Variants in CHST9 observed in about 807,000 individuals in gnomAD.
CHST9 encodes the protein GalNAc-4-sulfotransferase 2.
A neutral mutation model predicts 44.4 loss-of-function variants in CHST9; 41 were observed. The ratio of observed to expected loss-of-function variants is 0.92; its 90% CI spans 0.72 to 1.20. The LOEUF is 1.20. Among genes scored for constraint, CHST9 ranks in the 50% most tolerant of loss-of-function variants. The pLI, the probability that CHST9 is intolerant of heterozygous loss-of-function variation, is 0.00. For missense variants in CHST9, 504 were observed against 516.5 expected (o/e 0.98, Z 0.23); for synonymous variants, 171 against 178.4 (o/e 0.96, Z 0.33).
intron 1 of CHST9, among the ~76,000 whole-genome samples, chr18:27,144,177 G>C (rs1218161999): frequency 2.0e-5 from 3 of 152,086 alleles, no homozygotes; most frequent in Admixed American, 1.3e-4. Flanking sequence ...CCGAATAAAT[G>C]TTTCTTAAAT....
intron 2 of CHST9, among the ~76,000 whole-genome samples, chr18:27,053,250 A>AAGAAGAAGAAGAAGAAGAAGAAGG (rs2057602047): frequency 1.1e-5 from 1 of 87,224 alleles, no homozygotes; most frequent in African/African-American, 4.0e-5. Flanking sequence ...GAAGAAGAAG[A>AAGAAGAAGAAGAAGAAGAAGAAGG]AGAAGAAGAA....
chr18:26,946,472 C>T (rs74675969), intron 4 of CHST9, among the ~76,000 whole-genome samples: 2 of 152,220 alleles, frequency 1.3e-5, no homozygotes, highest in Non-Finnish European at 2.9e-5. Flanking sequence ...AGGCAGGAAA[C>T]CCTGCAAAGA....
Position 26,916,262 on chromosome 18 carries a change from C to A in CHST9, c.1329G>T (p.Leu443Phe). The change falls in exon 6 of 6, where the codon TTG (leucine) becomes TTT (phenylalanine). Residue 443 changes from leucine (L) to phenylalanine (F), a missense_variant. Transcript: ENST00000618847. ...GGTTTTAGAAAATGAATGCAAACTA[C>A]AAAAATGGAGTTGTATAATTAAACA... is the stretch of plus-strand genomic sequence containing the variant. ...YLMFNYTTPF[L>F] 6.5e-7 allele frequency: 1 copy of A among 1,544,670 alleles called. No homozygotes were observed. The highest frequency in any genetic ancestry group is 8.9e-7 in the Non-Finnish European group (1 of 1,127,492).
intron 1 of CHST9, among the ~76,000 whole-genome samples, chr18:27,160,406 T>C (rs1321533787): frequency 6.6e-6 from 1 of 152,206 alleles, no homozygotes; most frequent in Non-Finnish European, 1.5e-5. Flanking sequence ...ATATGCTGGA[T>C]TACATTTATT....
At position 27,102,864 on chromosome 18, in the gene CHST9, T is replaced by G. The variant is rs1168302519; in HGVS notation, c.121+39825A>C. ...GCCAAAGCTGGGATTCAACACTTTT[T>G]TTTTTCTGTATTGAATTTTAAAGTA... On this transcript the variant is annotated intron_variant, in intron 2 of 5. Transcript: ENST00000618847. Among the ~76,000 whole-genome samples the G allele has an allele frequency of 2.0e-5, 3 of 152,228 alleles. No homozygotes were observed. In the East Asian group the frequency reaches 5.8e-4, roughly 29 times the overall value.
chr18:26,953,569 G>A (rs1363409327), intron 4 of CHST9, among the ~76,000 whole-genome samples: 1 of 152,056 alleles, frequency 6.6e-6, no homozygotes, highest in Non-Finnish European at 1.5e-5. Context: ...GTAGAAATGA[G>A]AAGGAAAATG....
intron 3 of CHST9, among the ~76,000 whole-genome samples, chr18:27,042,064 G>A (rs767249877): frequency 2.0e-5 from 3 of 152,138 alleles, no homozygotes; most frequent in Non-Finnish European, 4.4e-5. Context: ...GATTGCCTGG[G>A]AGGCCGAGGC....
rs232358 is a variant in CHST9 at position 26,912,135 on chromosome 18, T to C, written c.*4124A>G. The C allele has an allele frequency of 0.84, 127,847 of 151,990 alleles. 53,894 individuals are homozygous for C. Among genetic ancestry groups the C allele is most frequent in the African/African-American group, 0.89 (36,706 of 41,454 alleles). The allele number at this position is 151,990 out of a possible 1,614,324, so 9.4% of individuals were successfully genotyped here. On this transcript the variant is annotated 3_prime_UTR_variant, in exon 6 of 6. Transcript: ENST00000618847. ...CTCTTAGATTCTGCTTATCCTTGAC[T>C]GGTCTTGTAGCTGTCTGGAATTTCT...
At chr18:26,958,941 C>A (rs1422053013) in intron 4 of CHST9, among the ~76,000 whole-genome samples, 2 of 152,148 alleles carry the variant, frequency 1.3e-5, no homozygotes, top group Admixed American at 1.3e-4. Context: ...ATGGAAGTTC[C>A]ATTCAACCCA....
At chr18:27,100,002 AAATGATATATATAT>A (rs2058155169) in intron 2 of CHST9, among the ~76,000 whole-genome samples, 1 of 141,398 alleles carries the variant, frequency 7.1e-6, no homozygotes, top group Non-Finnish European at 1.5e-5. Context: ...TGGATAAATA[AAATGATATATATAT>A]AATGATATAT....
intron 2 of CHST9, among the ~76,000 whole-genome samples, chr18:27,090,005 G>A (rs1316878584): frequency 6.6e-6 from 1 of 151,968 alleles, no homozygotes; most frequent in Non-Finnish European, 1.5e-5. Context: ...TAGAGATGGG[G>A]TTGCATTGTG....
At chr18:27,046,391 C>T (rs957173796) in intron 3 of CHST9, among the ~76,000 whole-genome samples, 1 of 151,936 alleles carries the variant, frequency 6.6e-6, no homozygotes, top group South Asian at 2.1e-4. Flanking sequence ...AATTATTATA[C>T]ATTTAGTGCA....
intron 4 of CHST9, among the ~76,000 whole-genome samples, chr18:26,988,161 G>T (rs967580807): frequency 5.9e-5 from 9 of 152,042 alleles, no homozygotes; most frequent in African/African-American, 2.2e-4. Context: ...AAGAAGACAA[G>T]AGACAAATAG....
chr18:27,136,420 G>A (rs1174677943), intron 2 of CHST9, among the ~76,000 whole-genome samples: 1 of 148,796 alleles, frequency 6.7e-6, no homozygotes, highest in Non-Finnish European at 1.5e-5. Flanking sequence ...CCCACTGCCT[G>A]GCCAGTGCAC....
At chr18:27,169,347 A>G (rs772226143) in intron 1 of CHST9, among the ~76,000 whole-genome samples, 2 of 152,236 alleles carry the variant, frequency 1.3e-5, no homozygotes, top group Non-Finnish European at 2.9e-5. Context: ...TAAATTTACT[A>G]GAAATATAAT....
intron 5 of CHST9, among the ~76,000 whole-genome samples, chr18:26,921,503 T>C (rs1420890113): frequency 6.6e-6 from 1 of 152,198 alleles, no homozygotes; most frequent in Non-Finnish European, 1.5e-5. Context: ...CTCATCTCAA[T>C]GTCATCCACC....
chr18:27,066,649 A>G (rs981926419), intron 2 of CHST9, among the ~76,000 whole-genome samples: 1 of 152,188 alleles, frequency 6.6e-6, no homozygotes, highest in Non-Finnish European at 1.5e-5. Flanking sequence ...GGCCTAAATC[A>G]TTCACATTTC....
intron 2 of CHST9, among the ~76,000 whole-genome samples, chr18:27,122,574 C>T (rs1271919990): frequency 1.3e-5 from 2 of 152,164 alleles, no homozygotes; most frequent in Non-Finnish European, 2.9e-5. Flanking sequence ...ATCATTCTCT[C>T]CCCCTCCATC....
At chr18:27,106,139 C>T (rs2058219346) in intron 2 of CHST9, among the ~76,000 whole-genome samples, 1 of 152,080 alleles carries the variant, frequency 6.6e-6, no homozygotes, top group African/African-American at 2.4e-5. Flanking sequence ...AATATATAAA[C>T]AGCCAGGAAA....
Sources: allele counts gnomAD v4.1 joint callset (sites outside exome capture counted in the v4.1 genomes callset), GRCh38; gene constraint gnomAD v4.1.1; transcripts MANE v1.5; gene names NCBI Gene and HGNC (gene_info 2026-07-23, HGNC 2026-07-21).